Variants in AGPAT5 observed in about 807,000 individuals in gnomAD.
AGPAT5 encodes the protein 1-acyl-sn-glycerol-3-phosphate acyltransferase epsilon.
Under a neutral mutation model 45.6 loss-of-function variants are expected in AGPAT5, and 46 were observed. The observed-to-expected ratio is 1.01, with a 90% CI of 0.80 to 1.29. The LOEUF (loss-of-function observed/expected upper bound fraction) is 1.29, where lower values mean the gene tolerates loss of function less well. AGPAT5 is among the 50% of genes most tolerant of loss of function. The pLI, the probability that AGPAT5 is intolerant of heterozygous loss-of-function variation, is 0.00. For synonymous variants in AGPAT5, 272 were observed against 167.0 expected, an observed-to-expected ratio of 1.63 and a Z score of -4.85; for missense variants, 673 against 450.7, an observed-to-expected ratio of 1.49 and a Z score of -4.47.
At chr8:6,752,128 G>A (rs1801676702) in intron 6 of AGPAT5, among the ~76,000 whole-genome samples, 1 of 152,148 alleles carries the variant, frequency 6.6e-6, no homozygotes, top group Non-Finnish European at 1.5e-5. Context: ...AGTGAGCTAA[G>A]ATCGTGCCAC....
intron 1 of AGPAT5, among the ~76,000 whole-genome samples, chr8:6,715,149 G>C (rs746656594): frequency 6.6e-6 from 1 of 152,174 alleles, no homozygotes; most frequent in Non-Finnish European, 1.5e-5. Flanking sequence ...CATTATGGAG[G>C]TCACATTCTA....
In AGPAT5 at chr8:6,747,661, G is replaced by C; in HGVS notation, c.587-9G>C. ...AACTAATTAATGACGGCACTGAATT[G>C]ACTTCTAGGCCTTGCAGTATTAAAA... On this transcript the variant is annotated splice_polypyrimidine_tract_variant and intron_variant, in intron 5 of 7. Transcript: ENST00000285518. 6.2e-7 allele frequency: 1 copy of C among 1,605,606 alleles called. No homozygotes were observed. Among genetic ancestry groups the C allele is most frequent in the Non-Finnish European group, 8.5e-7 (1 of 1,174,080 alleles).
At position 6,714,850 on chromosome 8, in the gene AGPAT5, T is replaced by C. The variant is rs547857574; in HGVS notation, c.219+5963T>C. 3.9e-4 allele frequency among the ~76,000 whole-genome samples: 60 copies of C among 152,366 alleles called. No homozygotes were observed. The South Asian group carries it at 0.012, about 31-fold the overall frequency. On this transcript the variant is annotated intron_variant, in intron 1 of 7. Transcript: ENST00000285518. ...GCACGGGAAAACAGCACTCCGTATA[T>C]ACCTAGTTTACTTTCCCTCTTTTGT...
chr8:6,729,660 C>T (rs915755016), intron 2 of AGPAT5, among the ~76,000 whole-genome samples: 1 of 152,200 alleles, frequency 6.6e-6, no homozygotes, highest in Non-Finnish European at 1.5e-5. Flanking sequence ...TGTTTCCCAT[C>T]TTCTGCACCC....
rs1476305094 is a variant in AGPAT5, at chr8:6,761,244, CA to C, written c.*3857del. On this transcript the variant is annotated 3_prime_UTR_variant, in exon 8 of 8. Coordinates refer to ENST00000285518, the MANE Select transcript of AGPAT5 (RefSeq NM_018361.5). Reference sequence around the variant, plus strand: ...AAAATGTTTATTGATGTTGATGAAACAGATCAGTTTTTCCATCCGGATTATT... The same window carrying C: ...AAAATGTTTATTGATGTTGATGAAACGATCAGTTTTTCCATCCGGATTATT... Among the ~76,000 whole-genome samples the C allele has an allele frequency of 6.6e-6, 1 of 152,136 alleles. No individual in the cohort carries two copies. Among genetic ancestry groups the C allele is most frequent in the East Asian group, 1.9e-4 (1 of 5,198 alleles).
intron 4 of AGPAT5, among the ~76,000 whole-genome samples, chr8:6,737,403 G>A (rs996302237): frequency 2.2e-4 from 33 of 152,166 alleles, no homozygotes; most frequent in African/African-American, 7.7e-4. Context: ...TTCCATGATT[G>A]TATCAGTTCT....
intron 1 of AGPAT5, among the ~76,000 whole-genome samples, chr8:6,712,447 A>T (rs991709974): frequency 6.6e-6 from 1 of 152,140 alleles, no homozygotes; most frequent in Non-Finnish European, 1.5e-5. Context: ...ACAATTAATT[A>T]TGTATGATGT....
At chr8:6,734,238 C>A (rs974309719) in intron 4 of AGPAT5, among the ~76,000 whole-genome samples, 1 of 151,708 alleles carries the variant, frequency 6.6e-6, no homozygotes, top group Non-Finnish European at 1.5e-5. Context: ...TTCTTAGATG[C>A]ATTATTCGTT....
chr8:6,749,296 C>G (rs1801575461), intron 6 of AGPAT5, among the ~76,000 whole-genome samples: 1 of 151,514 alleles, frequency 6.6e-6, no homozygotes, highest in Admixed American at 6.6e-5. Flanking sequence ...CAGGGGCTAG[C>G]TAGTATAAAA....
chr8:6,754,882 C>A (rs1406095829), intron 6 of AGPAT5, among the ~76,000 whole-genome samples, 169 bp from the exon 7 acceptor site: 1 of 151,978 alleles, frequency 6.6e-6, no homozygotes. Context: ...CCCCCAACCA[C>A]CAGTTTATAA....
Position 6,708,766 on chromosome 8 carries a change from G to T in AGPAT5, c.98G>T (p.Gly33Val). The T allele has an allele frequency of 1.9e-6, 3 of 1,608,578 alleles. No individual in the cohort carries two copies. Among genetic ancestry groups the T allele is most frequent in the Non-Finnish European group, 1.7e-6 (2 of 1,179,576 alleles). The change falls in exon 1 of 8, where the codon GGG becomes GTG. Residue 33 changes from glycine to valine, a missense_variant. By Grantham distance (109) the Gly-to-Val change is moderately radical. Transcript: ENST00000285518. ...GCGCCCACCTACGTGTTGGCCTGGG[G>T]GGTCTGGCGGCTGCTCTCCGCCTTC... The part of the protein sequence containing the change: ...GTAPTYVLAW[G>V]VWRLLSAFLP...
chr8:6,754,248 G>T (rs1163695751), intron 6 of AGPAT5, among the ~76,000 whole-genome samples: 1 of 152,164 alleles, frequency 6.6e-6, no homozygotes, highest in Non-Finnish European at 1.5e-5. Context: ...AATCGAGGCT[G>T]AAAAAGACTG....
At chr8:6,747,433 A>G (rs1030501849) in intron 5 of AGPAT5, among the ~76,000 whole-genome samples, 2 of 152,240 alleles carry the variant, frequency 1.3e-5, no homozygotes, top group African/African-American at 2.4e-5. Context: ...TAAACTTCCA[A>G]CACGGTGACT....
intron 1 of AGPAT5, among the ~76,000 whole-genome samples, chr8:6,720,110 T>G (rs976158387): frequency 2.6e-5 from 4 of 152,180 alleles, no homozygotes; most frequent in Non-Finnish European, 4.4e-5. Flanking sequence ...GAAGAAGTGC[T>G]AGAAAATGAG....
At chr8:6,716,312 A>T (rs1170552854) in intron 1 of AGPAT5, among the ~76,000 whole-genome samples, 1 of 152,106 alleles carries the variant, frequency 6.6e-6, no homozygotes, top group Non-Finnish European at 1.5e-5. Context: ...TAATCCCAGC[A>T]TTTTGGGAGG....
chr8:6,708,802 G>A lies in AGPAT5; in HGVS notation c.134G>A (p.Arg45His), dbSNP rs911926989. The A allele has an allele frequency of 1.9e-6, 3 of 1,610,754 alleles. No homozygotes were observed. The highest frequency in any genetic ancestry group is 1.7e-6 in the Non-Finnish European group (2 of 1,179,714). Residue 45 changes from arginine to histidine, a missense_variant, in exon 1 of 8, where the codon CGC (arginine) becomes CAC (histidine). Coordinates refer to ENST00000285518, the MANE Select transcript of AGPAT5 (RefSeq NM_018361.5). ...WRLLSAFLPA[R>H]FYQALDDRLY... ...CTGCTCTCCGCCTTCCTGCCCGCCC[G>A]CTTCTACCAAGCGCTGGACGACCGG...
At chr8:6,709,054 C>G in intron 1 of AGPAT5, 167 bp downstream of exon 1, 1 of 747,734 alleles carries the variant, frequency 1.3e-6, no homozygotes, top group South Asian at 1.5e-5. Flanking sequence ...TCCTGCCGTT[C>G]TGCCGAGATC....
At chr8:6,727,169 C>G (rs1411564634) in intron 2 of AGPAT5, among the ~76,000 whole-genome samples, 2 of 152,204 alleles carry the variant, frequency 1.3e-5, no homozygotes, top group Non-Finnish European at 2.9e-5. Flanking sequence ...AGTTTGTCTT[C>G]TGCCAGGCTT....
intron 1 of AGPAT5, among the ~76,000 whole-genome samples, chr8:6,718,924 T>G (rs995072067): frequency 6.6e-6 from 1 of 152,202 alleles, no homozygotes; most frequent in Middle Eastern, 3.2e-3. Flanking sequence ...TAGAACTCTG[T>G]GGAGTTGAAT....
Sources: allele counts gnomAD v4.1 joint callset (sites outside exome capture counted in the v4.1 genomes callset), GRCh38; gene constraint gnomAD v4.1.1; transcripts MANE v1.5; gene names NCBI Gene and HGNC (gene_info 2026-07-23, HGNC 2026-07-21).